The following NDST4 variants were observed in gnomAD, a reference collection of about 807,000 sequenced individuals.
The protein encoded by NDST4 is N-deacetylase and N-sulfotransferase 4.
In NDST4, 63 loss-of-function variants were observed where a neutral mutation model predicts 100.8. The observed-to-expected ratio is 0.62, with a 90% CI of 0.51 to 0.77. NDST4 has a LOEUF of 0.77. NDST4 is among the 30% of genes least tolerant of loss of function. NDST4 has a pLI of 0.00. For missense variants in NDST4, 943 were observed against 1,018.4 expected (o/e 0.93, Z 1.01); for synonymous variants, 377 against 361.8 (o/e 1.04, Z -0.48).
At chr4:115,095,625 T>C (rs2126296321) in intron 1 of NDST4, among the ~76,000 whole-genome samples, 1 of 152,234 alleles carries the variant, frequency 6.6e-6, no homozygotes, top group East Asian at 1.9e-4. Context: ...TACCAACTAG[T>C]ACCTGGGTTA....
rs1054236743 is a variant in NDST4 at position 114,988,820 on chromosome 4, C to A, written c.979-11546G>T. ...TGCACCGCCAGTAGGATAAATATAA[C>A]TAATTTTAGATTTTGTTATAAATAT... is the stretch of plus-strand genomic sequence containing the variant. On this transcript the variant is annotated intron_variant, in intron 2 of 13. Transcript: ENST00000264363. Among the ~76,000 whole-genome samples, 3 of 152,026 alleles carry A rather than the reference C, an allele frequency of 2.0e-5. No homozygotes were observed. In the East Asian group the frequency reaches 5.8e-4, roughly 29 times the overall value.
intron 6 of NDST4, among the ~76,000 whole-genome samples, chr4:114,929,041 T>TGTCTGTCC (rs1725443965): frequency 5.7e-5 from 7 of 121,984 alleles, no homozygotes; most frequent in Admixed American, 1.7e-4. Flanking sequence ...TCTGTCTGTC[T>TGTCTGTCC]GTCCGTCCGT....
At chr4:114,891,027 C>G (rs1245871188) in intron 6 of NDST4, among the ~76,000 whole-genome samples, 1 of 152,074 alleles carries the variant, frequency 6.6e-6, no homozygotes, top group Non-Finnish European at 1.5e-5. Context: ...ACACCCTCCT[C>G]TTTTGAAAGT....
chr4:115,003,694 C>T (rs1413434305), intron 2 of NDST4, among the ~76,000 whole-genome samples: 5 of 151,828 alleles, frequency 3.3e-5, no homozygotes. Flanking sequence ...AGTGAAACTC[C>T]ATCTCTACTA....
At chr4:114,980,645 AAAAT>A (rs1056774704) in intron 2 of NDST4, among the ~76,000 whole-genome samples, 2 of 152,144 alleles carry the variant, frequency 1.3e-5, no homozygotes, top group East Asian at 1.9e-4. Flanking sequence ...TCCATCTCAA[AAAAT>A]AAATAAAGAA....
At chr4:114,907,315 T>C (rs1160479387) in intron 6 of NDST4, among the ~76,000 whole-genome samples, 3 of 152,196 alleles carry the variant, frequency 2.0e-5, no homozygotes, top group African/African-American at 7.2e-5. Context: ...AATATGGCTC[T>C]GACATTTACT....
At chr4:114,977,842 T>G (rs1726672672) in intron 2 of NDST4, among the ~76,000 whole-genome samples, 1 of 152,122 alleles carries the variant, frequency 6.6e-6, no homozygotes, top group South Asian at 2.1e-4. Flanking sequence ...GGGAAGAACA[T>G]GTAAAAATAG....
chr4:115,037,812 T>C (rs1288205622), intron 2 of NDST4, among the ~76,000 whole-genome samples: 1 of 152,140 alleles, frequency 6.6e-6, no homozygotes, highest in Non-Finnish European at 1.5e-5. Flanking sequence ...CATAGGCCAT[T>C]GATATTATGT....
intron 1 of NDST4, among the ~76,000 whole-genome samples, chr4:115,108,051 A>G (rs993854081): frequency 1.3e-5 from 2 of 152,058 alleles, no homozygotes; most frequent in Non-Finnish European, 2.9e-5. Flanking sequence ...TTATTACAGT[A>G]CAGGGAATCT....
intron 1 of NDST4, among the ~76,000 whole-genome samples, chr4:115,080,857 C>T (rs1352367288): frequency 6.6e-6 from 1 of 151,948 alleles, no homozygotes; most frequent in Admixed American, 6.6e-5. Context: ...CACAACTCCC[C>T]CAAATAACCC....
chr4:115,009,181 C>A (rs1258490386), intron 2 of NDST4, among the ~76,000 whole-genome samples: 1 of 127,898 alleles, frequency 7.8e-6, no homozygotes, highest in Non-Finnish European at 1.7e-5. Context: ...TTGGAAAAAA[C>A]TACTTTAAAG....
chr4:114,866,619 A>T (rs770833320), intron 7 of NDST4, among the ~76,000 whole-genome samples: 2 of 152,158 alleles, frequency 1.3e-5, no homozygotes, highest in Non-Finnish European at 2.9e-5. Flanking sequence ...TCCAGGGTGC[A>T]AATATGAACC....
intron 2 of NDST4, among the ~76,000 whole-genome samples, chr4:115,049,323 G>A (rs1728532985): frequency 6.6e-6 from 1 of 151,854 alleles, no homozygotes; most frequent in Non-Finnish European, 1.5e-5. Context: ...AGGATCTCGG[G>A]TGCCTTCTCA....
At chr4:114,986,545 A>G (rs530832352) in intron 2 of NDST4, among the ~76,000 whole-genome samples, 3 of 152,074 alleles carry the variant, frequency 2.0e-5, no homozygotes, top group Non-Finnish European at 4.4e-5. Context: ...CAGTTCTTAT[A>G]AGTCCTAATC....
intron 2 of NDST4, among the ~76,000 whole-genome samples, chr4:115,002,891 T>C (rs1407662162): frequency 6.6e-6 from 1 of 152,124 alleles, no homozygotes; most frequent in Non-Finnish European, 1.5e-5. Context: ...TGGAATACTA[T>C]GCAGCCATAA....
intron 7 of NDST4, among the ~76,000 whole-genome samples, chr4:114,859,058 A>C (rs1181679247): frequency 6.6e-6 from 1 of 152,220 alleles, no homozygotes; most frequent in Non-Finnish European, 1.5e-5. Flanking sequence ...CCCAGTTATA[A>C]CTGTAAATGG....
rs747718022 is a variant in NDST4, at chr4:114,829,860, A to G, written c.2429T>C (p.Leu810Ser). ...GCATTTTGTCTTTCCTCCTTCCAGTAATTGACACCAAAAACCCTTTTGGGG... is the reference window on the plus strand; with the variant it reads ...GCATTTTGTCTTTCCTCCTTCCAGTGATTGACACCAAAAACCCTTTTGGGG... ...FDPQKGFWCQ[L>S]LEGGKTKCLG... Residue 810 changes from leucine to serine, a missense_variant, in exon 13 of 14, where the codon TTA becomes TCA. Around this residue, in one of 2 missense-constraint regions of NDST4, gnomAD observed 526 missense variants for 634.1 expected, o/e 0.83. Transcript: ENST00000264363. 100 of 1,611,842 alleles carry G rather than the reference A, an allele frequency of 6.2e-5. 1 individual carries two copies. In the South Asian group the frequency reaches 1.0e-3, roughly 17 times the overall value.
chr4:114,870,536 T>C (rs1724125010), intron 7 of NDST4, among the ~76,000 whole-genome samples: 1 of 152,006 alleles, frequency 6.6e-6, no homozygotes, highest in Non-Finnish European at 1.5e-5. Flanking sequence ...GCAAAAATGT[T>C]AAACCAACCA....
rs534411621 is a variant in NDST4 at position 114,921,385 on chromosome 4, T to G, written c.1536+13821A>C. Among the ~76,000 whole-genome samples, 3 of 152,236 alleles carry G rather than the reference T, an allele frequency of 2.0e-5. No homozygotes were observed. In the East Asian group the frequency reaches 5.8e-4, roughly 29 times the overall value. On this transcript the variant is annotated intron_variant, in intron 6 of 13. Transcript: ENST00000264363. Reference sequence around the variant, plus strand: ...AAAACATGTAATGAACTAAAAGCCTTTGTAATAGAGGATGTCTTTATCACA... The same window carrying G: ...AAAACATGTAATGAACTAAAAGCCTGTGTAATAGAGGATGTCTTTATCACA...
Sources: allele counts gnomAD v4.1 joint callset (sites outside exome capture counted in the v4.1 genomes callset), GRCh38; gene constraint gnomAD v4.1.1; regional missense constraint gnomAD v4.1.1; transcripts MANE v1.5; gene names NCBI Gene and HGNC (gene_info 2026-07-23, HGNC 2026-07-21).